The following GNAO1 variants were observed in gnomAD, a reference collection of about 807,000 sequenced individuals.
GNAO1 encodes the protein guanine nucleotide-binding protein G(o) subunit alpha.
For synonymous variants in GNAO1, 164 were observed against 180.7 expected (o/e 0.91, Z 0.74); for missense variants, 166 against 478.7 (o/e 0.35, Z 6.10).
intron 2 of GNAO1, among the ~76,000 whole-genome samples, chr16:56,263,672 A>G (rs1596828940): frequency 6.6e-6 from 1 of 152,102 alleles, no homozygotes; most frequent in Non-Finnish European, 1.5e-5. Context: ...ATGAGTCACT[A>G]TGTTTTGTGA....
intron 2 of GNAO1, among the ~76,000 whole-genome samples, chr16:56,245,788 T>C (rs1247550317): frequency 6.6e-6 from 1 of 152,120 alleles, no homozygotes; most frequent in East Asian, 1.9e-4. Context: ...ACATGGCCCA[T>C]GGAGAACAAA....
intron 3 of GNAO1, among the ~76,000 whole-genome samples, chr16:56,299,005 CAG>C (rs1215028250): frequency 6.6e-6 from 1 of 151,754 alleles, no homozygotes; most frequent in Non-Finnish European, 1.5e-5. Flanking sequence ...GAAAACAAGA[CAG>C]AAAGATCTGG....
chr16:56,307,947 C>G (rs547975687), intron 3 of GNAO1: 3 of 152,346 alleles, frequency 2.0e-5, no homozygotes, highest in Admixed American at 2.0e-4. Flanking sequence ...CATTGAAAGA[C>G]TCAGCGGTGG....
chr16:56,233,091 A>T (rs1348268200), intron 2 of GNAO1, among the ~76,000 whole-genome samples: 1 of 152,192 alleles, frequency 6.6e-6, no homozygotes, highest in East Asian at 1.9e-4. Flanking sequence ...ATCATTACTT[A>T]ATCTAGCTGT....
intron 6 of GNAO1, chr16:56,343,774 T>C (rs952352700): frequency 2.5e-6 from 4 of 1,613,080 alleles, no homozygotes; most frequent in Non-Finnish European, 3.4e-6. Context: ...CCCCAGCGCC[T>C]TCACAGAAGC....
rs375275818 is a variant in GNAO1 at position 56,326,058 on chromosome 16, G to A, written c.304-2573G>A. ...TGGCATCCCACACCTGGTTCCCAGG[G>A]CCTGGCATGGACTGGAAGCTGGCCT... On this transcript the variant is annotated intron_variant, in intron 3 of 8. Coordinates refer to ENST00000262493, the MANE Select transcript of GNAO1 (RefSeq NM_020988.3). This position sits in a 1 kb window ranked among gnomAD's most constrained non-coding sequence, Gnocchi z 4.8. 1.7e-4 allele frequency among the ~76,000 whole-genome samples: 26 copies of A among 152,198 alleles called. No individual in the cohort carries two copies. Among genetic ancestry groups the A allele is most frequent in the African/African-American group, 6.0e-4 (25 of 41,454 alleles).
At chr16:56,303,625 C>G (rs1567476129) in intron 3 of GNAO1, among the ~76,000 whole-genome samples, 1 of 152,204 alleles carries the variant, frequency 6.6e-6, no homozygotes, top group Non-Finnish European at 1.5e-5. Context: ...TATGGACTTA[C>G]ACCCTTGACA....
In GNAO1 at chr16:56,351,369, T is replaced by C; in HGVS notation, c.724-15T>C. On this transcript the variant is annotated splice_polypyrimidine_tract_variant and intron_variant, in intron 6 of 8. Transcript: ENST00000262493. This position sits in a 1 kb window ranked among gnomAD's most constrained non-coding sequence, Gnocchi z 6.1. ...CCCGCTGTCTGTCCTCTCTCCTCCC[T>C]TCCTGCGGCCGCAGAACCGCATGCA... 1 of 1,606,656 alleles carries C rather than the reference T, an allele frequency of 6.2e-7. No individual in the cohort carries two copies. Among genetic ancestry groups the C allele is most frequent in the Non-Finnish European group, 8.5e-7 (1 of 1,173,728 alleles).
intron 3 of GNAO1, among the ~76,000 whole-genome samples, chr16:56,287,817 C>T (rs1298607544): frequency 1.3e-5 from 2 of 152,034 alleles, no homozygotes; most frequent in African/African-American, 4.8e-5. Context: ...TGACTCAGGG[C>T]CCAGCATGGC....
chr16:56,249,648 A>C (rs1196023466), intron 2 of GNAO1, among the ~76,000 whole-genome samples: 6 of 152,152 alleles, frequency 3.9e-5, no homozygotes, highest in African/African-American at 1.4e-4. Context: ...ATATATCAAG[A>C]AGTCTGGAAA....
intron 3 of GNAO1, among the ~76,000 whole-genome samples, chr16:56,292,024 T>A (rs1313967786): frequency 6.6e-6 from 1 of 152,240 alleles, no homozygotes; most frequent in Non-Finnish European, 1.5e-5. Flanking sequence ...CACCATTGCC[T>A]GCCCTGCCTT....
chr16:56,304,860 T>C (rs1292330737), intron 3 of GNAO1, among the ~76,000 whole-genome samples: 1 of 152,262 alleles, frequency 6.6e-6, no homozygotes, highest in Non-Finnish European at 1.5e-5. Flanking sequence ...GGTGGGGTTG[T>C]GTTGATACTC....
At chr16:56,294,853 T>C (rs1436294141) in intron 3 of GNAO1, among the ~76,000 whole-genome samples, 2 of 152,334 alleles carry the variant, frequency 1.3e-5, no homozygotes, top group South Asian at 2.1e-4. Context: ...TGCCTTTCCA[T>C]GGTGACTAAT....
At chr16:56,344,543 C>G (rs2037843253) in intron 6 of GNAO1, 1 of 987,172 alleles carries the variant, frequency 1.0e-6, no homozygotes, top group Non-Finnish European at 1.2e-6. Context: ...GGTCATCCTC[C>G]CTTGCCTTTG....
Position 56,357,179 on chromosome 16 carries a change from G to T in GNAO1, c.*1105G>T, listed in dbSNP as rs897282839. 7.9e-5 allele frequency: 12 copies of T among 151,242 alleles called. No individual in the cohort carries two copies. Among genetic ancestry groups the T allele is most frequent in the African/African-American group, 2.9e-4 (12 of 40,924 alleles). The allele number at this position is 151,242 out of a possible 1,614,324, so 9.4% of individuals were successfully genotyped here. A position where few individuals can be genotyped will look rare whatever the true frequency, so the allele number is the denominator to read the frequency against. On this transcript the variant is annotated 3_prime_UTR_variant, in exon 9 of 9. Coordinates refer to ENST00000262493, the MANE Select transcript of GNAO1 (RefSeq NM_020988.3). ...TACCCAAACCCTAAACCTCTTCACG[G>T]TTTCACTTTTAAGACTTAATCTTTG...
At chr16:56,294,510 G>A (rs905937882) in intron 3 of GNAO1, among the ~76,000 whole-genome samples, 4 of 152,120 alleles carry the variant, frequency 2.6e-5, no homozygotes, top group Non-Finnish European at 2.9e-5. Context: ...TTGTTTGTCC[G>A]TCATCTGGTG....
chr16:56,308,530 G>A (rs2037419880), intron 3 of GNAO1, among the ~76,000 whole-genome samples: 1 of 152,194 alleles, frequency 6.6e-6, no homozygotes, highest in Non-Finnish European at 1.5e-5. Context: ...AAAGGCCAGT[G>A]ACCCAGAGGT....
rs139619773 is a variant in GNAO1, at chr16:56,217,682, G to T, written c.161+25066G>T. Among the ~76,000 whole-genome samples the T allele has an allele frequency of 3.6e-4, 55 of 152,286 alleles. 1 individual carries two copies. In the East Asian group the frequency reaches 0.011, roughly 29 times the overall value. ...ATTTAATCATCAGGCATTATAACATGAGTTAGGTATTATGACTCCCTGTCT... is the reference window on the plus strand; with the variant it reads ...ATTTAATCATCAGGCATTATAACATTAGTTAGGTATTATGACTCCCTGTCT... On this transcript the variant is annotated intron_variant, in intron 2 of 8. Transcript: ENST00000262493.
chr16:56,191,922 G>C lies in GNAO1; in HGVS notation c.-314G>C, dbSNP rs2036177567. The C allele has an allele frequency of 2.3e-6, 1 of 432,860 alleles. No individual in the cohort carries two copies. Among genetic ancestry groups the C allele is most frequent in the Non-Finnish European group, 4.1e-6 (1 of 241,710 alleles). 26.8% of individuals were successfully genotyped at this position (432,860 alleles called of 1,614,324 possible). A position where few individuals can be genotyped will look rare whatever the true frequency, so the allele number is the denominator to read the frequency against. On this transcript the variant is annotated 5_prime_UTR_variant, in exon 1 of 9. Coordinates refer to ENST00000262493, the MANE Select transcript of GNAO1 (RefSeq NM_020988.3). The surrounding 1 kb of genome is among the most constrained non-coding windows in gnomAD (Gnocchi z 4.7). ...TATTTTGGGTCGTGCACAAGCCTCA[G>C]TGCCTGCAGTCCGCGCCTCCTCGGC... is the stretch of plus-strand genomic sequence containing the variant.
Sources: gnomAD v4.1 joint callset for allele counts (sites outside exome capture counted in the v4.1 genomes callset) on GRCh38, gnomAD v4.1.1 for gene constraint, Gnocchi (gnomAD v3.1) non-coding constraint, MANE v1.5 for transcripts, NCBI Gene and HGNC (gene_info 2026-07-23, HGNC 2026-07-21) for gene names.